Variants in CLOCK observed in about 807,000 individuals in gnomAD.
CLOCK encodes clock circadian regulator.
CLOCK carries 43 observed loss-of-function variants against 118.4 expected under a neutral mutation model. The ratio of observed to expected loss-of-function variants is 0.36; its 90% CI spans 0.28 to 0.47. CLOCK has a LOEUF of 0.47. CLOCK is among the 20% of genes least tolerant of loss of function. The pLI, the probability that CLOCK is intolerant of heterozygous loss-of-function variation, is 1.00. For synonymous variants in CLOCK, 326 were observed against 339.2 expected, an observed-to-expected ratio of 0.96 and a Z score of 0.43; for missense variants, 846 against 999.9, an observed-to-expected ratio of 0.85 and a Z score of 2.08.
rs955496716 is a variant in CLOCK at position 55,450,161 on chromosome 4, G to A, written c.1278C>T (p.His426=). The part of the protein sequence containing the change: ...SLKEALERFD[H]SPTPSASSRS... The stretch of plus-strand genomic sequence containing the variant: ...GAGAAGAGGCAGAAGGGGTTGGGCT[G>A]TGATCAAACCTTTCCAATGCTTCCT... Residue 426 remains histidine, a synonymous_variant, in exon 16 of 23, where the codon CAC becomes CAT. Coordinates refer to ENST00000513440, the MANE Select transcript of CLOCK (RefSeq NM_004898.4). 1.2e-6 allele frequency: 2 copies of A among 1,614,018 alleles called. No homozygotes were observed. The highest frequency in any genetic ancestry group is 1.7e-5 in the Admixed American group (1 of 60,016).
At chr4:55,474,062 T>C (rs1726323536) in intron 7 of CLOCK, among the ~76,000 whole-genome samples, 2 of 152,184 alleles carry the variant, frequency 1.3e-5, no homozygotes, top group African/African-American at 4.8e-5. Flanking sequence ...TGATTAAGCT[T>C]AGTGAGGAAG....
intron 1 of CLOCK, among the ~76,000 whole-genome samples, chr4:55,546,091 G>A (rs950021529): frequency 6.6e-6 from 1 of 152,164 alleles, no homozygotes; most frequent in African/African-American, 2.4e-5. Flanking sequence ...GGCCGCCCCG[G>A]CGCCCCATTG....
At chr4:55,446,106 T>A (rs1192520230) in intron 18 of CLOCK, among the ~76,000 whole-genome samples, 1 of 148,860 alleles carries the variant, frequency 6.7e-6, no homozygotes, top group African/African-American at 2.5e-5. Flanking sequence ...AACTTCTTTT[T>A]TTTTTTTTTT....
At chr4:55,470,327 T>G (rs1310723747) in intron 8 of CLOCK, among the ~76,000 whole-genome samples, 1 of 152,180 alleles carries the variant, frequency 6.6e-6, no homozygotes, top group African/African-American at 2.4e-5. Context: ...GTGTTACAAC[T>G]GCCTATAGTA....
intron 7 of CLOCK, among the ~76,000 whole-genome samples, chr4:55,473,014 C>A (rs1726254252): frequency 6.6e-6 from 1 of 152,056 alleles, no homozygotes; most frequent in African/African-American, 2.4e-5. Flanking sequence ...TCACCTGAGG[C>A]TGAGTTTGAG....
In CLOCK at chr4:55,456,189, C is replaced by A. The variant is rs370701048; in HGVS notation, c.875+29G>T. 29 of 1,492,340 alleles carry A rather than the reference C, an allele frequency of 1.9e-5. No homozygotes were observed. The African/African-American group carries it at 3.3e-4, about 17-fold the overall frequency. The allele number at this position is 1,492,340 out of a possible 1,614,324, so 92.4% of individuals were successfully genotyped here. ...AAGAATTATATAACATGACTATTAC[C>A]TTTTCATGGAATTTAAAAATGGAAT... On this transcript the variant is annotated intron_variant, in intron 12 of 22. Coordinates refer to ENST00000513440, the MANE Select transcript of CLOCK (RefSeq NM_004898.4).
intron 1 of CLOCK, among the ~76,000 whole-genome samples, chr4:55,521,609 C>A (rs760613272): frequency 6.6e-6 from 1 of 152,228 alleles, no homozygotes; most frequent in Non-Finnish European, 1.5e-5. Flanking sequence ...TTATACCATA[C>A]CACGGTGGTA....
At chr4:55,526,006 G>A (rs1277305685) in intron 1 of CLOCK, among the ~76,000 whole-genome samples, 2 of 152,024 alleles carry the variant, frequency 1.3e-5, no homozygotes, top group African/African-American at 2.4e-5. Context: ...GAAACTTTTT[G>A]AGCAATGACA....
intron 1 of CLOCK, among the ~76,000 whole-genome samples, chr4:55,515,910 C>T (rs1294387178): frequency 9.2e-5 from 14 of 152,064 alleles, no homozygotes; most frequent in Non-Finnish European, 1.8e-4. Flanking sequence ...TCTCTTGATA[C>T]ATCAGTGTAG....
In CLOCK at chr4:55,488,731, A is replaced by AT. The variant is rs202173179; in HGVS notation, c.-44+642dup. Among the ~76,000 whole-genome samples the AT allele has an allele frequency of 7.4e-3, 1,120 of 152,092 alleles. 6 individuals are homozygous for AT. The highest frequency in any genetic ancestry group is 0.013 in the Admixed American group (198 of 15,278). The stretch of plus-strand genomic sequence containing the variant: ...GAAAGCAGTCACCAGTCTCTACCAC[A>AT]TTATCCTTTTTTTTGTACACGTAAG... On this transcript the variant is annotated intron_variant, in intron 3 of 22. Coordinates refer to ENST00000513440, the MANE Select transcript of CLOCK (RefSeq NM_004898.4).
chr4:55,454,613 C>A (rs1394229386), intron 13 of CLOCK, among the ~76,000 whole-genome samples: 1 of 69,490 alleles, frequency 1.4e-5, no homozygotes, highest in East Asian at 5.3e-4. Flanking sequence ...GACTCCATCC[C>A]AAAAAAAAAA....
chr4:55,542,381 ATT>A (rs1225899414), intron 1 of CLOCK, among the ~76,000 whole-genome samples: 57 of 33,518 alleles, frequency 1.7e-3, no homozygotes, highest in African/African-American at 6.1e-3. Context: ...TAATAATAAT[ATT>A]ATTATTATTA....
intron 7 of CLOCK, among the ~76,000 whole-genome samples, chr4:55,473,076 T>A (rs978015807): frequency 1.3e-5 from 2 of 152,054 alleles, no homozygotes; most frequent in African/African-American, 4.8e-5. Context: ...ATAAAAAAAA[T>A]TAGCTCGGCG....
At chr4:55,542,274 G>A (rs574960991) in intron 1 of CLOCK, among the ~76,000 whole-genome samples, 2 of 150,562 alleles carry the variant, frequency 1.3e-5, no homozygotes, top group African/African-American at 4.9e-5. Context: ...AACCAAGGAG[G>A]CGGAGGTTGC....
At chr4:55,541,709 T>C (rs1037307431) in intron 1 of CLOCK, among the ~76,000 whole-genome samples, 3 of 152,164 alleles carry the variant, frequency 2.0e-5, no homozygotes, top group African/African-American at 7.2e-5. Flanking sequence ...CTAATTTTTC[T>C]AGCAATCCTG....
chr4:55,459,147 C>T lies in CLOCK; in HGVS notation c.673+1G>A. 6.5e-7 allele frequency: 1 copy of T among 1,549,560 alleles called. No individual in the cohort carries two copies. The highest frequency in any genetic ancestry group is 1.4e-5 in the African/African-American group (1 of 73,704). On this transcript the variant is annotated splice_donor_variant, in intron 10 of 22. Transcript: ENST00000513440. LOFTEE classifies it high-confidence loss of function. ...ATTGTGAGAGAAGCATTTTAACTCA[C>T]CACTGTTTAAAGATTTGAAATTTCC... is the stretch of plus-strand genomic sequence containing the variant.
intron 11 of CLOCK, among the ~76,000 whole-genome samples, chr4:55,457,922 A>C (rs12500686): frequency 6.6e-6 from 1 of 152,062 alleles, no homozygotes; most frequent in South Asian, 2.1e-4. Context: ...TAGGGTTGTC[A>C]TAAGAATTAA....
At chr4:55,460,928 C>CTT (rs11441195) in intron 9 of CLOCK, among the ~76,000 whole-genome samples, 43,941 of 145,534 alleles carry the variant, frequency 0.3, 7,046 homozygotes, top group East Asian at 0.56. Context: ...CTTTCCTCTC[C>CTT]TTTTTTTTTT....
In CLOCK at chr4:55,509,673, G is replaced by A. The variant is rs144337700; in HGVS notation, c.-136+239C>T. Among the ~76,000 whole-genome samples, 978 of 152,272 alleles carry A rather than the reference G, an allele frequency of 6.4e-3. 17 individuals carry two copies. Among genetic ancestry groups the A allele is most frequent in the African/African-American group, 0.022 (909 of 41,552 alleles). Reference sequence around the variant, plus strand: ...TTATGACTCTTACTTTTGAGCACTAGTTTTGAGAAATTTCAGGAATTGCTA... The same window carrying A: ...TTATGACTCTTACTTTTGAGCACTAATTTTGAGAAATTTCAGGAATTGCTA... On this transcript the variant is annotated intron_variant, in intron 2 of 22. Transcript: ENST00000513440.
Sources: allele counts gnomAD v4.1 joint callset (sites outside exome capture counted in the v4.1 genomes callset), GRCh38; gene constraint gnomAD v4.1.1; transcripts MANE v1.5; gene names NCBI Gene and HGNC (gene_info 2026-07-23, HGNC 2026-07-21).